GLIS3: variants seen among roughly 807,000 people sequenced by gnomAD.
GLIS3 encodes the protein zinc finger protein GLIS3.
In GLIS3, 53 loss-of-function variants were observed where a neutral mutation model predicts 78.6. The observed-to-expected ratio is 0.67, with a 90% confidence interval of 0.54 to 0.85. The LOEUF (loss-of-function observed/expected upper bound fraction) is 0.85, where lower values mean the gene tolerates loss of function less well. Ranked by LOEUF, GLIS3 falls within the 40% of genes least tolerant of loss-of-function variation. The pLI is 0.00. For missense variants in GLIS3, 1,703 were observed against 1,231.1 expected (o/e 1.38, Z -5.74); for synonymous variants, 684 against 509.9 (o/e 1.34, Z -4.60).
At chr9:4,457,360 C>CAAAAAAAAAAAAAAAAA in the GLIS3 span, among the ~76,000 whole-genome samples, 1 of 125,712 alleles carries the variant, frequency 8.0e-6, no homozygotes, top group African/African-American at 3.0e-5. Flanking sequence ...GACCTTGTCT[C>CAAAAAAAAAAAAAAAAA]AAAAAAAAAA....
At chr9:4,306,895 C>A (rs1817239652) in intron 4 of GLIS3, among the ~76,000 whole-genome samples, 1 of 152,198 alleles carries the variant, frequency 6.6e-6, no homozygotes. Context: ...GAATTTAGGG[C>A]CCAACAGTTA....
intron 2 of GLIS3, among the ~76,000 whole-genome samples, chr9:4,211,809 T>C (rs1050984718): frequency 1.3e-5 from 2 of 152,202 alleles, no homozygotes; most frequent in African/African-American, 2.4e-5. Context: ...AAATGTAATA[T>C]ACTCATTCAA....
chr9:3,967,370 G>A (rs1818032873), intron 4 of GLIS3, among the ~76,000 whole-genome samples: 1 of 152,112 alleles, frequency 6.6e-6, no homozygotes, highest in Admixed American at 6.5e-5. Context: ...AGGCGTGGTT[G>A]CACGTGCCTG....
intron 1 of GLIS3, among the ~76,000 whole-genome samples, chr9:4,290,994 A>T (rs568771031): frequency 6.6e-6 from 1 of 152,256 alleles, no homozygotes; most frequent in Non-Finnish European, 1.5e-5. Context: ...ATGCAGTACA[A>T]CTGACAAATT....
At chr9:3,873,285 A>C (rs144686426) in intron 8 of GLIS3, among the ~76,000 whole-genome samples, 34 of 152,292 alleles carry the variant, frequency 2.2e-4, no homozygotes, top group African/African-American at 8.2e-4. Flanking sequence ...AACAATAACA[A>C]ACAACAAAAA....
chr9:4,487,664 G>A, the GLIS3 span, among the ~76,000 whole-genome samples: 1 of 151,178 alleles, frequency 6.6e-6, no homozygotes, highest in South Asian at 2.1e-4. Flanking sequence ...ACTGTAATGA[G>A]CATGGGTATG....
At chr9:4,321,305 C>T (rs1169379007) in intron 2 of GLIS3, among the ~76,000 whole-genome samples, 1 of 130,690 alleles carries the variant, frequency 7.7e-6, no homozygotes, top group Non-Finnish European at 1.5e-5. Context: ...GCCTGTAGTC[C>T]CAGCTACTCG....
the GLIS3 span, among the ~76,000 whole-genome samples, chr9:4,453,144 C>G: frequency 2.0e-5 from 3 of 152,030 alleles, no homozygotes; most frequent in Non-Finnish European, 1.5e-5. Context: ...TTCCTTACAC[C>G]TTATACAAAA....
At chr9:3,832,333 G>T (rs1414603520) in intron 9 of GLIS3, among the ~76,000 whole-genome samples, 1 of 151,848 alleles carries the variant, frequency 6.6e-6, no homozygotes, top group Admixed American at 6.6e-5. Flanking sequence ...TTTCCAAAAA[G>T]AACAAGTAAG....
chr9:4,381,963 C>A, the GLIS3 span, among the ~76,000 whole-genome samples: 1 of 152,196 alleles, frequency 6.6e-6, no homozygotes, highest in African/African-American at 2.4e-5. Context: ...CCAGCACAGG[C>A]TGGGTGGAAT....
chr9:4,327,430 G>A (rs1458556440), intron 2 of GLIS3, among the ~76,000 whole-genome samples: 1 of 152,134 alleles, frequency 6.6e-6, no homozygotes, highest in Admixed American at 6.5e-5. Context: ...CAGTTAGGAG[G>A]GTCCTGCAGT....
At chr9:4,228,853 C>G (rs1364080301) in intron 2 of GLIS3, among the ~76,000 whole-genome samples, 3 of 152,186 alleles carry the variant, frequency 2.0e-5, no homozygotes, top group Admixed American at 6.5e-5. Context: ...TGTTATCTCT[C>G]TGAGTATGAA....
chr9:3,979,152 C>T (rs909234042), intron 4 of GLIS3, among the ~76,000 whole-genome samples: 3 of 152,180 alleles, frequency 2.0e-5, no homozygotes, highest in Non-Finnish European at 4.4e-5. Context: ...TTCTTAGAAG[C>T]ATCTTCTCCT....
At chr9:4,385,794 AAAGAAAGAAAGAAAGAAAAG>A in the GLIS3 span, among the ~76,000 whole-genome samples, 1 of 76,974 alleles carries the variant, frequency 1.3e-5, no homozygotes, top group African/African-American at 7.5e-5. Context: ...AGAAAGAAAG[AAAGAAAGAAAGAAAGAAAAG>A]AAAGAAAGAG....
chr9:4,159,541 A>C (rs958347064), intron 2 of GLIS3, among the ~76,000 whole-genome samples: 1 of 152,156 alleles, frequency 6.6e-6, no homozygotes, highest in Non-Finnish European at 1.5e-5. Context: ...CAACACGGTG[A>C]AACCCCGTCT....
In GLIS3 at chr9:4,188,565, G is replaced by C. The variant is rs550395434; in HGVS notation, c.389-62624C>G. ...TCTATTGATTGGAATAGTTTCAGAA[G>C]TAATGGTACCACTTCCTCCTTGTAC... On this transcript the variant is annotated intron_variant, in intron 2 of 10. Transcript: ENST00000381971. 1.4e-3 allele frequency among the ~76,000 whole-genome samples: 210 copies of C among 152,184 alleles called. 2 individuals carry two copies. The highest frequency in any genetic ancestry group is 4.5e-3 in the African/African-American group (188 of 41,522).
intron 4 of GLIS3, among the ~76,000 whole-genome samples, chr9:4,075,963 A>C (rs922947198): frequency 6.6e-6 from 1 of 152,222 alleles, no homozygotes; most frequent in Non-Finnish European, 1.5e-5. Context: ...AGCCAACAGA[A>C]GGATTGACTG....
the GLIS3 span, among the ~76,000 whole-genome samples, chr9:4,474,532 A>T: frequency 5.9e-5 from 9 of 152,240 alleles, no homozygotes; most frequent in Non-Finnish European, 1.3e-4. Context: ...CTTCATCCAT[A>T]TCACACAAAA....
chr9:3,846,963 C>G (rs777415141), intron 9 of GLIS3, among the ~76,000 whole-genome samples: 47 of 152,096 alleles, frequency 3.1e-4, no homozygotes, highest in Non-Finnish European at 4.9e-4. Context: ...GCAGGGGGGT[C>G]ACCTGAAGTC....
Sources: allele counts gnomAD v4.1 joint callset (sites outside exome capture counted in the v4.1 genomes callset), GRCh38; gene constraint gnomAD v4.1.1; transcripts MANE v1.5; gene names NCBI Gene and HGNC (gene_info 2026-07-23, HGNC 2026-07-21).